WDPCP: variants seen among roughly 807,000 people sequenced by gnomAD.
WDPCP encodes the protein WD repeat-containing and planar cell polarity effector protein fritz homolog.
In WDPCP, 71 loss-of-function variants were observed where a neutral mutation model predicts 93.1. The ratio of observed to expected loss-of-function variants is 0.76; its 90% CI spans 0.63 to 0.93. The LOEUF (loss-of-function observed/expected upper bound fraction) is 0.93, where lower values mean the gene tolerates loss of function less well. Among genes scored for constraint, WDPCP ranks in the 40% least tolerant of loss-of-function variants. WDPCP has a pLI of 0.00. For missense variants in WDPCP, 844 were observed against 887.4 expected, an observed-to-expected ratio of 0.95 and a Z score of 0.62; for synonymous variants, 315 against 315.0, an observed-to-expected ratio of 1.00 and a Z score of 0.00.
At chr2:63,249,799 C>T (rs913499033) in intron 14 of WDPCP, among the ~76,000 whole-genome samples, 1 of 152,164 alleles carries the variant, frequency 6.6e-6, no homozygotes, top group African/African-American at 2.4e-5. Flanking sequence ...CTTGAAATAG[C>T]AGATATTACC....
chr2:63,715,203 A>AAT (rs1186262765), intron 2 of WDPCP, among the ~76,000 whole-genome samples: 4 of 152,230 alleles, frequency 2.6e-5, no homozygotes, highest in Non-Finnish European at 5.9e-5. Context: ...GGAATTTGAT[A>AAT]TAGATGGTAG....
At chr2:63,472,161 G>GT (rs1287709678) in intron 6 of WDPCP, among the ~76,000 whole-genome samples, 3 of 151,162 alleles carry the variant, frequency 2.0e-5, no homozygotes, top group Non-Finnish European at 3.0e-5. Context: ...GTATCTTGCT[G>GT]TTTTTTCTTT....
chr2:63,619,157 C>A (rs1161717084), intron 3 of WDPCP, among the ~76,000 whole-genome samples: 9 of 152,198 alleles, frequency 5.9e-5, no homozygotes. Context: ...CTCCCTTCCT[C>A]CAATCCATGT....
At chr2:63,322,478 T>A (rs2421883) in intron 12 of WDPCP, among the ~76,000 whole-genome samples, 121,800 of 152,060 alleles carry the variant, frequency 0.8, 49,658 homozygotes, top group East Asian at 0.96. Flanking sequence ...GGTCTGCAGC[T>A]TCACTCCTGA....
chr2:63,322,722 G>C (rs760422425), intron 12 of WDPCP, among the ~76,000 whole-genome samples: 42 of 152,226 alleles, frequency 2.8e-4, no homozygotes, highest in African/African-American at 1.0e-3. Flanking sequence ...CTTCATTCTT[G>C]AAGTCACCGA....
At chr2:63,633,985 C>G (rs948330067) in intron 3 of WDPCP, among the ~76,000 whole-genome samples, 3 of 152,060 alleles carry the variant, frequency 2.0e-5, no homozygotes, top group Non-Finnish European at 2.9e-5. Context: ...TCACTTGAAC[C>G]TGGGAGGTGG....
intron 1 of WDPCP, among the ~76,000 whole-genome samples, chr2:63,816,529 TTA>T: frequency 6.6e-6 from 1 of 151,116 alleles, no homozygotes; most frequent in African/African-American, 2.4e-5. Context: ...GAGACTGGAG[TTA>T]TGCTGCCACA....
intron 14 of WDPCP, among the ~76,000 whole-genome samples, chr2:63,195,984 T>C (rs1047100072): frequency 7.9e-5 from 12 of 152,234 alleles, no homozygotes; most frequent in African/African-American, 2.9e-4. Flanking sequence ...TGTGGTGGAT[T>C]TGAGGTTTTT....
At chr2:63,430,939 T>C (rs747872792) in intron 9 of WDPCP, among the ~76,000 whole-genome samples, 23 of 152,192 alleles carry the variant, frequency 1.5e-4, no homozygotes, top group Non-Finnish European at 1.6e-4. Context: ...CCAGCAGTTT[T>C]CTAATATCCA....
At chr2:63,627,085 T>A (rs1709818382) in intron 3 of WDPCP, among the ~76,000 whole-genome samples, 1 of 152,172 alleles carries the variant, frequency 6.6e-6, no homozygotes, top group Non-Finnish European at 1.5e-5. Context: ...TAATAAGTAA[T>A]TTTTCTGCTT....
intron 13 of WDPCP, among the ~76,000 whole-genome samples, chr2:63,260,694 C>T (rs1384205324): frequency 6.6e-6 from 1 of 152,138 alleles, no homozygotes; most frequent in Non-Finnish European, 1.5e-5. Context: ...GGATTACAGG[C>T]ACGCACCACC....
chr2:63,185,108 T>A (rs1559183089), intron 14 of WDPCP, among the ~76,000 whole-genome samples: 1 of 152,254 alleles, frequency 6.6e-6, no homozygotes, highest in Admixed American at 6.5e-5. Context: ...GATAAATTTC[T>A]CATTCATATC....
At chr2:63,276,566 A>G (rs758183985) in intron 13 of WDPCP, among the ~76,000 whole-genome samples, 2 of 152,262 alleles carry the variant, frequency 1.3e-5, no homozygotes, top group Non-Finnish European at 2.9e-5. Context: ...GGACACACTT[A>G]GAGAAATGCA....
intron 6 of WDPCP, among the ~76,000 whole-genome samples, chr2:63,454,262 A>G (rs1698474014): frequency 6.6e-6 from 1 of 151,892 alleles, no homozygotes; most frequent in East Asian, 1.9e-4. Flanking sequence ...AGGATGGAAA[A>G]CCAAACACCG....
At chr2:63,161,011 CA>C (rs1326412833) in intron 15 of WDPCP, among the ~76,000 whole-genome samples, 1 of 152,168 alleles carries the variant, frequency 6.6e-6, no homozygotes, top group Non-Finnish European at 1.5e-5. Flanking sequence ...AGGGGATTTG[CA>C]GATGACATGT....
At chr2:63,834,856 A>G in the WDPCP span, among the ~76,000 whole-genome samples, 3 of 152,316 alleles carry the variant, frequency 2.0e-5, no homozygotes, top group Non-Finnish European at 2.9e-5. Context: ...TTTCGTAGAC[A>G]TCGGATATTT....
intron 2 of WDPCP, among the ~76,000 whole-genome samples, chr2:63,728,162 AAAAAG>A (rs1180420739): frequency 6.6e-6 from 1 of 152,250 alleles, no homozygotes; most frequent in African/African-American, 2.4e-5. Flanking sequence ...AATTAAAAGA[AAAAAG>A]AAGTTAGAGG....
At chr2:63,717,581 A>G (rs72808205) in intron 2 of WDPCP, 144 of 524,324 alleles carry the variant, frequency 2.7e-4, no homozygotes, top group Non-Finnish European at 4.7e-4. Context: ...GATTCATGGT[A>G]TACCTGTCAG....
chr2:63,770,199 T>A (rs1335955986), intron 2 of WDPCP, among the ~76,000 whole-genome samples: 1 of 151,982 alleles, frequency 6.6e-6, no homozygotes, highest in African/African-American at 2.4e-5. Flanking sequence ...GAGCTGAAAA[T>A]AATATTTTAG....
Sources: allele counts gnomAD v4.1 joint callset (sites outside exome capture counted in the v4.1 genomes callset), GRCh38; gene constraint gnomAD v4.1.1; transcripts MANE v1.5; gene names NCBI Gene and HGNC (gene_info 2026-07-23, HGNC 2026-07-21).